Variants in IQCH observed in about 807,000 individuals in gnomAD.
IQCH encodes IQ motif containing H.
Under a neutral mutation model 117.0 loss-of-function variants are expected in IQCH, and 98 were observed. The observed-to-expected ratio is 0.84, with a 90% CI of 0.71 to 0.99. The LOEUF is 0.99. IQCH is among the 50% of genes least tolerant of loss of function. The probability of loss-of-function intolerance (pLI) is 0.00; values close to 1 mark genes in which losing one functional copy is unlikely to be tolerated. For synonymous variants in IQCH, 412 were observed against 448.2 expected, an observed-to-expected ratio of 0.92 and a Z score of 1.02; for missense variants, 1,102 against 1,243.8, an observed-to-expected ratio of 0.89 and a Z score of 1.72.
chr15:67,320,372 C>A (rs1198224277), intron 4 of IQCH, among the ~76,000 whole-genome samples: 1 of 152,176 alleles, frequency 6.6e-6, no homozygotes, highest in Non-Finnish European at 1.5e-5. Flanking sequence ...TTTCTTAGAT[C>A]TTAACTGAAA....
chr15:67,411,041 A>G lies in IQCH; in HGVS notation c.2098-5890A>G, dbSNP rs1439456676. Among the ~76,000 whole-genome samples the G allele has an allele frequency of 6.6e-6, 1 of 151,994 alleles. No homozygotes were observed. Among genetic ancestry groups the G allele is most frequent in the Non-Finnish European group, 1.5e-5 (1 of 67,992 alleles). Reference sequence around the variant, plus strand: ...AACCACCCCCACCCCACCCCTGCACATGCCTACCATATGGTGAGCTTTTAA... The same window carrying G: ...AACCACCCCCACCCCACCCCTGCACGTGCCTACCATATGGTGAGCTTTTAA... On this transcript the variant is annotated intron_variant, in intron 14 of 20. Transcript: ENST00000335894. The surrounding 1 kb of genome is among the most constrained non-coding windows in gnomAD (Gnocchi z 4.4).
chr15:67,372,204 G>C lies in IQCH; in HGVS notation c.847G>C (p.Asp283His), dbSNP rs563615233. Reference sequence around the variant, plus strand: ...TGGTGTCATAGACAATACAGCCCCAGACTTCTTAGCATTCAAGGAACATTT... The same window carrying C: ...TGGTGTCATAGACAATACAGCCCCACACTTCTTAGCATTCAAGGAACATTT... ...YDGVIDNTAP[D>H]FLAFKEHFSL... Residue 283 changes from aspartate to histidine, a missense_variant, in exon 9 of 21, where the codon GAC (aspartate) becomes CAC (histidine). Asp to His is a moderately conservative substitution (Grantham distance 81). Around this residue, in one of 2 missense-constraint regions of IQCH, gnomAD observed 452 missense variants for 449.6 expected, o/e 1.01. Transcript: ENST00000335894. 1 of 1,614,062 alleles carries C rather than the reference G, an allele frequency of 6.2e-7. No individual in the cohort carries two copies. The highest frequency in any genetic ancestry group is 2.2e-5 in the East Asian group (1 of 44,874).
intron 15 of IQCH, among the ~76,000 whole-genome samples, chr15:67,418,420 A>G (rs2081630166): frequency 6.6e-6 from 1 of 150,834 alleles, no homozygotes; most frequent in South Asian, 2.1e-4. Context: ...CAACTCTAAA[A>G]TTTTGTGATT....
rs980499656 is a variant in IQCH at position 67,495,000 on chromosome 15, G to A, written c.2970+634G>A. Among the ~76,000 whole-genome samples the A allele has an allele frequency of 5.9e-5, 9 of 152,164 alleles. No individual in the cohort carries two copies. Among genetic ancestry groups the A allele is most frequent in the East Asian group, 5.8e-4 (3 of 5,200 alleles). On this transcript the variant is annotated intron_variant, in intron 20 of 20. Coordinates refer to ENST00000335894, the MANE Select transcript of IQCH (RefSeq NM_001031715.3). This position sits in a 1 kb window ranked among gnomAD's most constrained non-coding sequence, Gnocchi z 5.5. Reference sequence around the variant, plus strand: ...TAAACTACAGGAACAAGGTCTGTACGGGAGTTTCTGAAATACTGTCTGAAC... The same window carrying A: ...TAAACTACAGGAACAAGGTCTGTACAGGAGTTTCTGAAATACTGTCTGAAC...
At position 67,312,206 on chromosome 15, in the gene IQCH, T is replaced by C. The variant is rs1596156360; in HGVS notation, c.388-24769T>C. ...GGTTTAGGGTACAGGGGTCCATGGG[T>C]AGAACTGTATTTCAATAGACAGAGG... On this transcript the variant is annotated intron_variant, in intron 4 of 20. Transcript: ENST00000335894. 3.9e-5 allele frequency among the ~76,000 whole-genome samples: 6 copies of C among 152,152 alleles called. No homozygotes were observed. In the East Asian group the frequency reaches 1.2e-3, roughly 29 times the overall value.
In IQCH at chr15:67,357,499, G is replaced by A. The variant is rs117045074; in HGVS notation, c.714+78G>A. The A allele has an allele frequency of 2.9e-4, 272 of 926,592 alleles. 1 individual carries two copies. The East Asian group carries it at 4.3e-3, about 15-fold the overall frequency. 57.4% of individuals were successfully genotyped at this position (926,592 alleles called of 1,614,324 possible). A position where few individuals can be genotyped will look rare whatever the true frequency, so the allele number is the denominator to read the frequency against. On this transcript the variant is annotated intron_variant, in intron 7 of 20. Coordinates refer to ENST00000335894, the MANE Select transcript of IQCH (RefSeq NM_001031715.3). ...CTGTGAGATATTTGGTGATTTACACGTTATTGAGTTGTACCTTCAACATAG... is the reference window on the plus strand; with the variant it reads ...CTGTGAGATATTTGGTGATTTACACATTATTGAGTTGTACCTTCAACATAG...
chr15:67,423,372 C>A (rs932006141), intron 16 of IQCH, among the ~76,000 whole-genome samples: 1 of 151,974 alleles, frequency 6.6e-6, no homozygotes, highest in Non-Finnish European at 1.5e-5. Context: ...TCAGGACCAG[C>A]CTGGGCAACA....
chr15:67,294,332 A>G (rs954571677), intron 4 of IQCH, among the ~76,000 whole-genome samples: 3 of 152,054 alleles, frequency 2.0e-5, no homozygotes, highest in Admixed American at 6.6e-5. Flanking sequence ...CCCAATATCT[A>G]TTTCCTTGCC....
intron 16 of IQCH, among the ~76,000 whole-genome samples, chr15:67,446,041 C>T (rs1382642436): frequency 6.6e-6 from 1 of 152,098 alleles, no homozygotes; most frequent in East Asian, 1.9e-4. Flanking sequence ...TAGAAGTGTG[C>T]AGGACACAAG....
At chr15:67,323,917 G>A (rs1177950643) in intron 4 of IQCH, among the ~76,000 whole-genome samples, 5 of 148,816 alleles carry the variant, frequency 3.4e-5, no homozygotes, top group African/African-American at 7.4e-5. Flanking sequence ...CTGTCAGCTC[G>A]AAGAATGTTT....
intron 16 of IQCH, among the ~76,000 whole-genome samples, chr15:67,435,060 T>C (rs1295061197): frequency 6.6e-6 from 1 of 151,626 alleles, no homozygotes; most frequent in Admixed American, 6.6e-5. Context: ...TTTCACCATG[T>C]TAGCCAGGGT....
At chr15:67,358,819 T>C (rs1397648253) in intron 7 of IQCH, among the ~76,000 whole-genome samples, 1 of 152,256 alleles carries the variant, frequency 6.6e-6, no homozygotes, top group Non-Finnish European at 1.5e-5. Context: ...TCCCAGACTT[T>C]TATCTTTCAA....
At chr15:67,269,970 T>C (rs972499606) in intron 3 of IQCH, among the ~76,000 whole-genome samples, 5 of 152,210 alleles carry the variant, frequency 3.3e-5, no homozygotes, top group Non-Finnish European at 5.9e-5. Context: ...CTCTTCAATA[T>C]ACTGGTTTCC....
intron 4 of IQCH, among the ~76,000 whole-genome samples, chr15:67,288,574 T>C (rs764720384): frequency 3.3e-5 from 5 of 152,132 alleles, no homozygotes; most frequent in Non-Finnish European, 5.9e-5. Context: ...CTGCTCTTTT[T>C]TGGTTTCCAT....
At position 67,356,676 on chromosome 15, in the gene IQCH, T is replaced by C. The variant is rs1329453850; in HGVS notation, c.638-669T>C. ...TTGTTCTCTTTCTTGGGCTGAGTAG[T>C]ATAAGGATTTTTCTCCCCTGAGAAT... On this transcript the variant is annotated intron_variant, in intron 6 of 20. Transcript: ENST00000335894. This position sits in a 1 kb window ranked among gnomAD's most constrained non-coding sequence, Gnocchi z 5.3. Among the ~76,000 whole-genome samples the C allele has an allele frequency of 6.6e-6, 1 of 152,206 alleles. No homozygotes were observed. Among genetic ancestry groups the C allele is most frequent in the Admixed American group, 6.5e-5 (1 of 15,278 alleles).
chr15:67,261,476 C>A, intron 2 of IQCH, 82 bp downstream of exon 2: 10 of 1,197,318 alleles, frequency 8.4e-6, no homozygotes, highest in Non-Finnish European at 1.2e-5. Flanking sequence ...CTCATAGAGT[C>A]CTGCATAATT....
intron 3 of IQCH, among the ~76,000 whole-genome samples, chr15:67,270,844 A>T (rs1303044646): frequency 6.6e-6 from 1 of 152,194 alleles, no homozygotes; most frequent in Non-Finnish European, 1.5e-5. Context: ...AGAATAAGAC[A>T]AGGGATGCTG....
chr15:67,339,502 A>G (rs1334061734), intron 5 of IQCH, among the ~76,000 whole-genome samples: 1 of 152,278 alleles, frequency 6.6e-6, no homozygotes, highest in African/African-American at 2.4e-5. Flanking sequence ...GACAGAATTT[A>G]TTTTCATGTC....
At chr15:67,313,909 T>C (rs1238603043) in intron 4 of IQCH, among the ~76,000 whole-genome samples, 1 of 152,304 alleles carries the variant, frequency 6.6e-6, no homozygotes, top group Admixed American at 6.5e-5. Context: ...TATAAAGCAA[T>C]AGTACTTTTT....
Sources: allele counts gnomAD v4.1 joint callset (sites outside exome capture counted in the v4.1 genomes callset), GRCh38; gene constraint gnomAD v4.1.1; regional missense constraint gnomAD v4.1.1; non-coding constraint Gnocchi (gnomAD v3.1); transcripts MANE v1.5; gene names NCBI Gene and HGNC (gene_info 2026-07-23, HGNC 2026-07-21).